MASTL: variants seen among roughly 807,000 people sequenced by gnomAD.
MASTL encodes the protein serine/threonine-protein kinase greatwall.
Under a neutral mutation model 82.5 loss-of-function variants are expected in MASTL, and 54 were observed. The ratio of observed to expected loss-of-function variants is 0.65; its 90% CI spans 0.53 to 0.82. The LOEUF is 0.82. Among genes scored for constraint, MASTL ranks in the 40% least tolerant of loss-of-function variants. The probability of loss-of-function intolerance (pLI) is 0.00; values close to 1 mark genes in which losing one functional copy is unlikely to be tolerated. For synonymous variants in MASTL, 323 were observed against 368.9 expected, an observed-to-expected ratio of 0.88 and a Z score of 1.43; for missense variants, 950 against 1,047.8, an observed-to-expected ratio of 0.91 and a Z score of 1.29.
chr10:27,184,129 G>T (rs950679343), intron 11 of MASTL, among the ~76,000 whole-genome samples: 5 of 152,176 alleles, frequency 3.3e-5, no homozygotes, highest in Non-Finnish European at 4.4e-5. Context: ...CCCTGTCCTC[G>T]TGGAACTTAC....
At chr10:27,167,018 T>A (rs2057763117) in intron 6 of MASTL, 84 bp from the exon 7 acceptor site, 3 of 1,044,550 alleles carry the variant, frequency 2.9e-6, no homozygotes, top group Non-Finnish European at 3.0e-6. Flanking sequence ...CTTGATACTT[T>A]GCTTAATTAT....
intron 9 of MASTL, 60 bp from the exon 10 acceptor site, chr10:27,180,893 T>C: frequency 9.1e-7 from 1 of 1,096,352 alleles, no homozygotes; most frequent in Non-Finnish European, 1.4e-6. Context: ...TTAATATTTC[T>C]GTTCATCAAA....
At chr10:27,184,410 C>T (rs893980699) in intron 11 of MASTL, among the ~76,000 whole-genome samples, 3 of 152,112 alleles carry the variant, frequency 2.0e-5, no homozygotes, top group African/African-American at 4.8e-5. Flanking sequence ...CATATAAACA[C>T]ACACACGTTT....
chr10:27,171,852 C>G (rs895486568), intron 8 of MASTL, among the ~76,000 whole-genome samples: 1 of 51,820 alleles, frequency 1.9e-5, no homozygotes, highest in South Asian at 6.2e-4. Context: ...TTTTTTGAGA[C>G]AAAGTCTCGC....
intron 3 of MASTL, among the ~76,000 whole-genome samples, chr10:27,160,571 T>C (rs1032042782): frequency 2.6e-5 from 4 of 151,446 alleles, no homozygotes; most frequent in African/African-American, 9.7e-5. Context: ...GACAACATGG[T>C]GAAACCCTGT....
At chr10:27,183,351 T>C (rs2058437864) in intron 11 of MASTL, among the ~76,000 whole-genome samples, 1 of 152,092 alleles carries the variant, frequency 6.6e-6, no homozygotes, top group African/African-American at 2.4e-5. Flanking sequence ...TGGTGTGATC[T>C]CGGCTCACTG....
chr10:27,175,953 C>T (rs915424674), intron 9 of MASTL, among the ~76,000 whole-genome samples: 2 of 151,942 alleles, frequency 1.3e-5, no homozygotes, highest in African/African-American at 4.8e-5. Flanking sequence ...AAAAATTAGC[C>T]AGGCGTGGTG....
intron 11 of MASTL, among the ~76,000 whole-genome samples, chr10:27,184,504 A>G (rs1019236840): frequency 1.3e-5 from 2 of 151,626 alleles, no homozygotes; most frequent in Non-Finnish European, 2.9e-5. Context: ...TCTGAATGCA[A>G]CATATTGGTC....
chr10:27,181,367 G>C, intron 10 of MASTL, 113 bp from the exon 11 acceptor site: 1 of 795,170 alleles, frequency 1.3e-6, no homozygotes, highest in South Asian at 1.4e-5. Flanking sequence ...CTCCAGCCTG[G>C]GTGACAAGAG....
At chr10:27,185,582 G>A (rs1452147201) in intron 11 of MASTL, among the ~76,000 whole-genome samples, 1 of 140,728 alleles carries the variant, frequency 7.1e-6, no homozygotes. Flanking sequence ...GCAGTGAGCC[G>A]AGATTGTGCC....
Position 27,171,100 on chromosome 10 carries a change from C to A in MASTL, c.2124+17C>A. ...CCACATCAGGTATATTTATAACTTT[C>A]TAATACTGTTTTTTGGATTTTAGAA... On this transcript the variant is annotated intron_variant, in intron 8 of 11. Coordinates refer to ENST00000375940, the MANE Select transcript of MASTL (RefSeq NM_001172303.3). 1 of 1,609,548 alleles carries A rather than the reference C, an allele frequency of 6.2e-7. No individual in the cohort carries two copies. Among genetic ancestry groups the A allele is most frequent in the East Asian group, 2.2e-5 (1 of 44,822 alleles).
intron 10 of MASTL, among the ~76,000 whole-genome samples, 175 bp from the exon 11 acceptor site, chr10:27,181,305 C>T (rs913235706): frequency 1.3e-5 from 2 of 152,052 alleles, no homozygotes; most frequent in Admixed American, 1.3e-4. Flanking sequence ...GCAGGAGAAT[C>T]GCTTGAACCT....
In MASTL at chr10:27,159,888, T is replaced by A. The variant is rs2057511520; in HGVS notation, c.464+130T>A. 1.3e-6 allele frequency: 1 copy of A among 779,148 alleles called. No homozygotes were observed. Among genetic ancestry groups the A allele is most frequent in the African/African-American group, 1.7e-5 (1 of 58,012 alleles). 48.3% of individuals were successfully genotyped at this position (779,148 alleles called of 1,614,324 possible). A position where few individuals can be genotyped will look rare whatever the true frequency, so the allele number is the denominator to read the frequency against. Reference sequence around the variant, plus strand: ...ATCTAAAGTTTACTAGTAACTTGTATTCATTTAGAAATTAACTCTTCTTTC... The same window carrying A: ...ATCTAAAGTTTACTAGTAACTTGTAATCATTTAGAAATTAACTCTTCTTTC... On this transcript the variant is annotated intron_variant, in intron 3 of 11. Transcript: ENST00000375940. This position sits in a 1 kb window ranked among gnomAD's most constrained non-coding sequence, Gnocchi z 4.0.
At chr10:27,171,825 C>CTTT (rs112511530) in intron 8 of MASTL, among the ~76,000 whole-genome samples, 4,442 of 93,442 alleles carry the variant, frequency 0.048, 455 homozygotes, top group African/African-American at 0.065. Flanking sequence ...AAATATGTTT[C>CTTT]TTTTTTTTTT....
rs117134003 is a variant in MASTL, at chr10:27,170,106, C to T, written c.1147C>T (p.Arg383Cys). ...CAGCAGTGCCCTTCCCACCACTGGA[C>T]GCTCTTGTGTAAACCTTGCTAAAAA... is the stretch of plus-strand genomic sequence containing the variant. ...HNSSALPTTG[R>C]SCVNLAKKCF... Residue 383 changes from arginine (R) to cysteine (C), a missense_variant, in exon 8 of 12, where the codon CGC (arginine) becomes TGC (cysteine). By Grantham distance (180) the Arg-to-Cys change is radical. Coordinates refer to ENST00000375940, the MANE Select transcript of MASTL (RefSeq NM_001172303.3). 155 of 1,614,128 alleles carry T rather than the reference C, an allele frequency of 9.6e-5. 1 individual carries two copies. The East Asian group carries it at 3.1e-3, about 32-fold the overall frequency.
rs142110127 is a variant in MASTL at position 27,155,456 on chromosome 10, G to A, written c.30G>A (p.Glu10=). 1.9e-6 allele frequency: 3 copies of A among 1,612,942 alleles called. No homozygotes were observed. The highest frequency in any genetic ancestry group is 2.7e-5 in the African/African-American group (2 of 74,916). Residue 10 remains glutamate, a synonymous_variant, in exon 1 of 12, where the codon GAG becomes GAA. Transcript: ENST00000375940. ...ATCCCACCGCGGGAAGCAAGAAGGA[G>A]CCTGGAGGAGGCGCGGCGACTGAGG... MDPTAGSKK[E]PGGGAATEEG...
intron 9 of MASTL, 127 bp downstream of exon 9, chr10:27,173,386 A>G: frequency 1.0e-6 from 1 of 1,004,162 alleles, no homozygotes; most frequent in Non-Finnish European, 1.5e-6. Context: ...CTCATCTAGT[A>G]TATATATGGC....
intron 4 of MASTL, among the ~76,000 whole-genome samples, chr10:27,164,461 C>A (rs1588667637): frequency 6.6e-6 from 1 of 152,126 alleles, no homozygotes; most frequent in South Asian, 2.1e-4. Context: ...CTTCTCTTAC[C>A]ATTTTTTATA....
At chr10:27,175,180 T>A (rs2058066420) in intron 9 of MASTL, among the ~76,000 whole-genome samples, 1 of 151,016 alleles carries the variant, frequency 6.6e-6, no homozygotes, top group South Asian at 2.1e-4. Context: ...TTATTTATTA[T>A]TTATTTATTT....
Sources: gnomAD v4.1 joint callset for allele counts (sites outside exome capture counted in the v4.1 genomes callset) on GRCh38, gnomAD v4.1.1 for gene constraint, Gnocchi (gnomAD v3.1) non-coding constraint, MANE v1.5 for transcripts, NCBI Gene and HGNC (gene_info 2026-07-23, HGNC 2026-07-21) for gene names.